ADGRB3: variants seen among roughly 807,000 people sequenced by gnomAD.
The protein encoded by ADGRB3 is brain-specific angiogenesis inhibitor 3.
A neutral mutation model predicts 193.4 loss-of-function variants in ADGRB3; 37 were observed. The ratio of observed to expected loss-of-function variants is 0.19; its 90% confidence interval spans 0.15 to 0.25. ADGRB3 has a LOEUF of 0.25. ADGRB3 is among the 10% of genes least tolerant of loss of function. The pLI is 1.00. For missense variants in ADGRB3, 1,637 were observed against 1,852.9 expected (o/e 0.88, Z 2.14); for synonymous variants, 690 against 644.2 (o/e 1.07, Z -1.08).
chr6:69,130,909 A>G (rs2150333990), intron 17 of ADGRB3, among the ~76,000 whole-genome samples: 1 of 152,178 alleles, frequency 6.6e-6, no homozygotes, highest in South Asian at 2.1e-4. Flanking sequence ...CTCTCTGAAC[A>G]TGTTTTTATT....
chr6:68,961,014 A>ACAGGTG (rs1480882258), intron 8 of ADGRB3, among the ~76,000 whole-genome samples: 3 of 152,204 alleles, frequency 2.0e-5, no homozygotes, highest in Non-Finnish European at 4.4e-5. Flanking sequence ...TATCACCTCA[A>ACAGGTG]CAAAATTGCA....
chr6:68,646,990 A>C (rs1324956659), intron 3 of ADGRB3, among the ~76,000 whole-genome samples: 1 of 152,190 alleles, frequency 6.6e-6, no homozygotes, highest in Non-Finnish European at 1.5e-5. Context: ...TTTGGGTTGG[A>C]AACTTTAAGA....
chr6:69,251,385 T>C (rs1766616165), intron 20 of ADGRB3, among the ~76,000 whole-genome samples: 1 of 152,124 alleles, frequency 6.6e-6, no homozygotes, highest in Non-Finnish European at 1.5e-5. Context: ...TTTACAGCCA[T>C]TACTTTACTT....
At chr6:68,853,008 C>T (rs886988607) in intron 3 of ADGRB3, among the ~76,000 whole-genome samples, 2 of 151,998 alleles carry the variant, frequency 1.3e-5, no homozygotes, top group African/African-American at 4.8e-5. Context: ...CAAAAATGTC[C>T]TCAGTGCAGA....
chr6:69,189,526 A>G (rs1188129295), intron 17 of ADGRB3, among the ~76,000 whole-genome samples: 1 of 152,198 alleles, frequency 6.6e-6, no homozygotes, highest in Non-Finnish European at 1.5e-5. Context: ...TAATGTGACT[A>G]TGATTGGAGT....
intron 17 of ADGRB3, among the ~76,000 whole-genome samples, chr6:69,207,246 A>T (rs1217227835): frequency 2.6e-5 from 4 of 152,106 alleles, no homozygotes; most frequent in Non-Finnish European, 5.9e-5. Flanking sequence ...AAGCAAAAAA[A>T]TTTGCTAGTG....
intron 10 of ADGRB3, among the ~76,000 whole-genome samples, chr6:68,990,750 C>T (rs1274006227): frequency 6.6e-6 from 1 of 152,268 alleles, no homozygotes. Flanking sequence ...AAATCCCTCA[C>T]AGGCACAGGT....
intron 3 of ADGRB3, among the ~76,000 whole-genome samples, chr6:68,778,178 G>T (rs1461884086): frequency 6.6e-6 from 1 of 152,052 alleles, no homozygotes; most frequent in Admixed American, 6.6e-5. Context: ...CAGACTACAG[G>T]CATGAGCAAT....
intron 20 of ADGRB3, among the ~76,000 whole-genome samples, chr6:69,241,586 T>A (rs980455349): frequency 4.6e-5 from 7 of 151,994 alleles, no homozygotes. Context: ...GTTTTCAATG[T>A]CCTCTTTGTT....
rs1773746094 is a variant in ADGRB3 at position 69,122,720 on chromosome 6, T to C, written c.2480+46682T>C. Among the ~76,000 whole-genome samples the C allele has an allele frequency of 2.0e-5, 3 of 152,126 alleles. No individual in the cohort carries two copies. The South Asian group carries it at 6.2e-4, about 32-fold the overall frequency. ...AAGAAAGGATATTCAAGCTATTTGC[T>C]AAGACCAAGTCTATTTTTTCAGCAA... On this transcript the variant is annotated intron_variant, in intron 17 of 31. Coordinates refer to ENST00000370598, the MANE Select transcript of ADGRB3 (RefSeq NM_001704.3).
chr6:69,030,125 A>G (rs552890556), intron 13 of ADGRB3, among the ~76,000 whole-genome samples: 2 of 152,180 alleles, frequency 1.3e-5, no homozygotes, highest in South Asian at 2.1e-4. Context: ...CAGATGCTGG[A>G]GAGGATGTGG....
At chr6:68,694,157 T>C (rs1765120787) in intron 3 of ADGRB3, among the ~76,000 whole-genome samples, 1 of 151,974 alleles carries the variant, frequency 6.6e-6, no homozygotes. Context: ...TACCCCCAAA[T>C]TTGGAAAGCA....
intron 3 of ADGRB3, among the ~76,000 whole-genome samples, chr6:68,733,747 G>T (rs969975980): frequency 6.6e-6 from 1 of 151,792 alleles, no homozygotes; most frequent in Admixed American, 6.6e-5. Context: ...GCACAATAGG[G>T]TGACTATAGT....
intron 17 of ADGRB3, among the ~76,000 whole-genome samples, chr6:69,117,824 A>G (rs1404123705): frequency 6.6e-6 from 1 of 152,202 alleles, no homozygotes; most frequent in Non-Finnish European, 1.5e-5. Context: ...CAAAGAACAC[A>G]CTTTTTCTTC....
chr6:69,113,639 T>C (rs1773438485), intron 17 of ADGRB3, among the ~76,000 whole-genome samples: 1 of 152,164 alleles, frequency 6.6e-6, no homozygotes, highest in African/African-American at 2.4e-5. Context: ...CAGAAATTTA[T>C]ATCATTTGTT....
At chr6:69,161,094 C>T (rs1774972743) in intron 17 of ADGRB3, among the ~76,000 whole-genome samples, 2 of 152,076 alleles carry the variant, frequency 1.3e-5, no homozygotes, top group South Asian at 2.1e-4. Context: ...TACTACCTAT[C>T]TCATAGGGCT....
intron 20 of ADGRB3, among the ~76,000 whole-genome samples, chr6:69,249,762 A>G (rs1342292399): frequency 6.6e-6 from 1 of 152,104 alleles, no homozygotes; most frequent in Non-Finnish European, 1.5e-5. Flanking sequence ...AATGCCTATA[A>G]TAAAAAAAAA....
Position 69,233,513 on chromosome 6 carries a change from A to G in ADGRB3, c.2607+97A>G, listed in dbSNP as rs2066956687. The G allele has an allele frequency of 1.0e-5, 15 of 1,465,228 alleles. No individual in the cohort carries two copies. In the South Asian group the frequency reaches 1.9e-4, roughly 18 times the overall value. 90.8% of individuals were successfully genotyped at this position (1,465,228 alleles called of 1,614,324 possible). A position where few individuals can be genotyped will look rare whatever the true frequency, so the allele number is the denominator to read the frequency against. ...CTGCATTTTAAATGGGGAAATGGAA[A>G]ATGTTGCAGGGTACAAAATTGGGTT... is the stretch of plus-strand genomic sequence containing the variant. On this transcript the variant is annotated intron_variant, in intron 18 of 31. Coordinates refer to ENST00000370598, the MANE Select transcript of ADGRB3 (RefSeq NM_001704.3).
chr6:68,803,855 A>G (rs1228457259), intron 3 of ADGRB3, among the ~76,000 whole-genome samples: 1 of 152,138 alleles, frequency 6.6e-6, no homozygotes, highest in Non-Finnish European at 1.5e-5. Flanking sequence ...TCTGAAGTCC[A>G]AATCGATTAT....
Sources: gnomAD v4.1 joint callset for allele counts (sites outside exome capture counted in the v4.1 genomes callset) on GRCh38, gnomAD v4.1.1 for gene constraint, MANE v1.5 for transcripts, NCBI Gene and HGNC (gene_info 2026-07-23, HGNC 2026-07-21) for gene names.